SFXN1: variants seen among roughly 807,000 people sequenced by gnomAD.
SFXN1 encodes the protein sideroflexin-1.
A neutral mutation model predicts 39.5 loss-of-function variants in SFXN1; 32 were observed. That is an observed-to-expected ratio of 0.81 (90% CI 0.61 to 1.09). SFXN1 has a LOEUF of 1.09. Among genes scored for constraint, SFXN1 ranks in the 50% least tolerant of loss-of-function variants. The pLI, the probability that SFXN1 is intolerant of heterozygous loss-of-function variation, is 0.00. For synonymous variants in SFXN1, 136 were observed against 146.5 expected (o/e 0.93, Z 0.52); for missense variants, 402 against 407.1 (o/e 0.99, Z 0.11).
chr5:175,525,580 C>G (rs1282416091), intron 10 of SFXN1, among the ~76,000 whole-genome samples: 2 of 152,090 alleles, frequency 1.3e-5, no homozygotes, highest in Non-Finnish European at 2.9e-5. Context: ...TTTAACCTTA[C>G]AGTCTATCAC....
rs1286724948 is a variant in SFXN1, at chr5:175,516,609, T to C, written c.725-5T>C. ...AGATTTAAGTGGATCTATCTTTATTTCCAGCCATCCCTCCATTCATTATGA... is the reference window on the plus strand; with the variant it reads ...AGATTTAAGTGGATCTATCTTTATTCCCAGCCATCCCTCCATTCATTATGA... On this transcript the variant is annotated splice_polypyrimidine_tract_variant and splice_region_variant and intron_variant, in intron 7 of 10. Transcript: ENST00000321442. The C allele has an allele frequency of 6.2e-7, 1 of 1,610,628 alleles. No homozygotes were observed. The highest frequency in any genetic ancestry group is 1.1e-5 in the South Asian group (1 of 89,796).
At chr5:175,517,836 C>T (rs114779026) in intron 8 of SFXN1, among the ~76,000 whole-genome samples, 2,893 of 152,226 alleles carry the variant, frequency 0.019, 76 homozygotes, top group Admixed American at 0.081. Flanking sequence ...GATGCCCATG[C>T]GGTGGTGTGC....
chr5:175,528,601 A>T lies in SFXN1; in HGVS notation c.*1867A>T, dbSNP rs1300855211. The T allele has an allele frequency of 6.6e-6, 1 of 152,162 alleles. No homozygotes were observed. Among genetic ancestry groups the T allele is most frequent in the Non-Finnish European group, 1.5e-5 (1 of 68,022 alleles). 9.4% of individuals were successfully genotyped at this position (152,162 alleles called of 1,614,324 possible). A position where few individuals can be genotyped will look rare whatever the true frequency, so the allele number is the denominator to read the frequency against. The stretch of plus-strand genomic sequence containing the variant: ...CCAGACTGAATTTCCTCATAAAGAA[A>T]AAATGGCGTGCCTTGTGTCTGTGTT... On this transcript the variant is annotated 3_prime_UTR_variant, in exon 11 of 11. Coordinates refer to ENST00000321442, the MANE Select transcript of SFXN1 (RefSeq NM_022754.7).
At chr5:175,483,390 T>C (rs1381870033) in intron 1 of SFXN1, among the ~76,000 whole-genome samples, 1 of 152,188 alleles carries the variant, frequency 6.6e-6, no homozygotes, top group Non-Finnish European at 1.5e-5. Context: ...AATTTCTTAA[T>C]ACCGTTAAAA....
intron 6 of SFXN1, 62 bp from the exon 7 acceptor site, chr5:175,513,401 A>G: frequency 6.4e-7 from 1 of 1,569,692 alleles, no homozygotes; most frequent in Non-Finnish European, 8.7e-7. Context: ...CCAACATAGT[A>G]CTATTTCAGG....
In SFXN1 at chr5:175,490,164, C is replaced by T. The variant is rs116555004; in HGVS notation, c.-9-1931C>T. 4.4e-3 allele frequency among the ~76,000 whole-genome samples: 672 copies of T among 152,238 alleles called. 9 individuals are homozygous for T. The highest frequency in any genetic ancestry group is 0.016 in the African/African-American group (647 of 41,534). ...CAAGAGTGGGATGTTTCACTCTTCACGTTATGATTTCAGGTAGCAAAGTTT... is the reference window on the plus strand; with the variant it reads ...CAAGAGTGGGATGTTTCACTCTTCATGTTATGATTTCAGGTAGCAAAGTTT... On this transcript the variant is annotated intron_variant, in intron 1 of 10. Coordinates refer to ENST00000321442, the MANE Select transcript of SFXN1 (RefSeq NM_022754.7).
At chr5:175,485,377 CCCCTTTCCCTG>C (rs1297474762) in intron 1 of SFXN1, among the ~76,000 whole-genome samples, 4 of 152,164 alleles carry the variant, frequency 2.6e-5, no homozygotes, top group Non-Finnish European at 5.9e-5. Context: ...TAGGGCAGAG[CCCCTTTCCCTG>C]CCCTTTCCAG....
intron 10 of SFXN1, chr5:175,524,121 AAAAAATATATATATATATATAT>A (rs1213396267): frequency 3.8e-3 from 132 of 35,176 alleles, no homozygotes; most frequent in African/African-American, 0.014. Flanking sequence ...AAAAAAAAAA[AAAAAATATATATATATATATAT>A]ATATATATAT....
intron 3 of SFXN1, 104 bp downstream of exon 3, chr5:175,509,306 A>G (rs1760429285): frequency 3.5e-6 from 4 of 1,138,030 alleles, no homozygotes; most frequent in Non-Finnish European, 4.9e-6. Flanking sequence ...TTTCATAAGT[A>G]TATGAAGTGA....
intron 1 of SFXN1, among the ~76,000 whole-genome samples, chr5:175,481,098 A>G (rs985812726): frequency 3.3e-5 from 5 of 152,166 alleles, no homozygotes; most frequent in African/African-American, 9.7e-5. Context: ...TTATACATGG[A>G]TGGTAAAACT....
chr5:175,526,619 C>T lies in SFXN1; in HGVS notation c.873-19C>T, dbSNP rs778004594. On this transcript the variant is annotated intron_variant, in intron 10 of 10. Coordinates refer to ENST00000321442, the MANE Select transcript of SFXN1 (RefSeq NM_022754.7). ...ACCTCTGCCTGTGTAATAACCCTGT[C>T]ATTTCTCCCTTATCCCAGTTCCATG... 1.9e-6 allele frequency: 3 copies of T among 1,607,066 alleles called. No individual in the cohort carries two copies. The highest frequency in any genetic ancestry group is 2.6e-6 in the Non-Finnish European group (3 of 1,173,592).
At chr5:175,526,574 C>T in intron 10 of SFXN1, 64 bp from the exon 11 acceptor site, 1 of 1,377,688 alleles carries the variant, frequency 7.3e-7, no homozygotes, top group Non-Finnish European at 1.0e-6. Flanking sequence ...TCTCCCTGCT[C>T]TTTCTAGGTC....
At chr5:175,508,457 A>G (rs116550470) in intron 2 of SFXN1, among the ~76,000 whole-genome samples, 10,167 of 150,780 alleles carry the variant, frequency 0.067, 461 homozygotes, top group Admixed American at 0.11. Flanking sequence ...CTGGTTTTGA[A>G]CTCCTGGGCT....
chr5:175,525,590 CAT>C (rs903220690), intron 10 of SFXN1, among the ~76,000 whole-genome samples: 1 of 152,126 alleles, frequency 6.6e-6, no homozygotes, highest in African/African-American at 2.4e-5. Flanking sequence ...CAGTCTATCA[CAT>C]GTCAACTATA....
intron 8 of SFXN1, among the ~76,000 whole-genome samples, chr5:175,516,865 C>A (rs1760729442): frequency 6.6e-6 from 1 of 152,094 alleles, no homozygotes; most frequent in Admixed American, 6.5e-5. Flanking sequence ...TAAAGACTGC[C>A]ACTATTGAGA....
At chr5:175,481,842 T>C (rs73805549) in intron 1 of SFXN1, among the ~76,000 whole-genome samples, 7,367 of 152,180 alleles carry the variant, frequency 0.048, 598 homozygotes, top group African/African-American at 0.17. Context: ...CTCTGATCTA[T>C]AATTCGATCT....
intron 2 of SFXN1, among the ~76,000 whole-genome samples, chr5:175,503,427 A>G (rs1278276388): frequency 6.6e-6 from 1 of 152,204 alleles, no homozygotes; most frequent in Non-Finnish European, 1.5e-5. Flanking sequence ...GTGTTAAAAC[A>G]TGAACTGGTA....
intron 1 of SFXN1, among the ~76,000 whole-genome samples, chr5:175,482,768 C>T (rs1267012165): frequency 6.6e-6 from 1 of 152,180 alleles, no homozygotes; most frequent in Non-Finnish European, 1.5e-5. Context: ...GTAATTCACC[C>T]AGTCACATGT....
chr5:175,500,455 A>C (rs966531009), intron 2 of SFXN1, among the ~76,000 whole-genome samples: 1 of 128,640 alleles, frequency 7.8e-6, no homozygotes, highest in East Asian at 2.5e-4. Context: ...CACACACACA[A>C]ATTACAGAGA....
Sources: allele counts gnomAD v4.1 joint callset (sites outside exome capture counted in the v4.1 genomes callset), GRCh38; gene constraint gnomAD v4.1.1; transcripts MANE v1.5; gene names NCBI Gene and HGNC (gene_info 2026-07-23, HGNC 2026-07-21).